Variants in RASA3 observed in about 807,000 individuals in gnomAD.
The protein encoded by RASA3 is ras GTPase-activating protein 3.
RASA3 carries 73 observed loss-of-function variants against 110.0 expected under a neutral mutation model. The ratio of observed to expected loss-of-function variants is 0.66; its 90% CI spans 0.55 to 0.81. The LOEUF is 0.81. Among genes scored for constraint, RASA3 ranks in the 30% least tolerant of loss-of-function variants. The pLI is 0.00. For missense variants in RASA3, 976 were observed against 1,113.2 expected (o/e 0.88, Z 1.75); for synonymous variants, 500 against 451.4 (o/e 1.11, Z -1.37).
rs114392193 is a variant in RASA3, at chr13:113,991,795, C to T, written c.2245+690G>A. 8.0e-3 allele frequency among the ~76,000 whole-genome samples: 1,220 copies of T among 152,360 alleles called. 10 individuals carry two copies. Among genetic ancestry groups the T allele is most frequent in the African/African-American group, 0.028 (1,170 of 41,590 alleles). On this transcript the variant is annotated intron_variant, in intron 22 of 23. Transcript: ENST00000334062. ...GTGTACCCACATATATGCATGCTGA[C>T]ACATGTGCCCAAAGACATACATGCA...
rs1370431440 is a variant in RASA3, at chr13:114,056,782, C to T, written c.174-4627G>A. The T allele has an allele frequency of 3.1e-6, 2 of 653,070 alleles. No homozygotes were observed. Among genetic ancestry groups the T allele is most frequent in the Non-Finnish European group, 3.8e-6 (2 of 526,066 alleles). The allele number at this position is 653,070 out of a possible 1,614,324, so 40.5% of individuals were successfully genotyped here. A position where few individuals can be genotyped will look rare whatever the true frequency, so the allele number is the denominator to read the frequency against. ...ACATACGAACTCCATAAAATTATCACCACAGACTGGACGTGCCCCTTTCTA... is the reference window on the plus strand; with the variant it reads ...ACATACGAACTCCATAAAATTATCATCACAGACTGGACGTGCCCCTTTCTA... On this transcript the variant is annotated intron_variant, in intron 2 of 23. Transcript: ENST00000334062. The surrounding 1 kb of genome is among the most constrained non-coding windows in gnomAD (Gnocchi z 5.7).
intron 1 of RASA3, among the ~76,000 whole-genome samples, chr13:114,087,888 G>C (rs146390162): frequency 2.4e-4 from 37 of 152,372 alleles, no homozygotes; most frequent in Non-Finnish European, 4.3e-4. Flanking sequence ...CCAGAATTTT[G>C]AGAGGCTGAG....
chr13:113,995,931 ATGGGGGGGCC>A (rs2053240484), intron 21 of RASA3, among the ~76,000 whole-genome samples: 1 of 21,722 alleles, frequency 4.6e-5, no homozygotes, highest in African/African-American at 3.7e-4. Context: ...GGCCCGGCTA[ATGGGGGGGCC>A]CGGCTAATGG....
At chr13:114,040,478 C>T (rs1265645390) in intron 4 of RASA3, among the ~76,000 whole-genome samples, 1 of 121,474 alleles carries the variant, frequency 8.2e-6, no homozygotes, top group Non-Finnish European at 1.7e-5. Context: ...TGGCAGAGAC[C>T]GCGCTCACTC....
intron 3 of RASA3, among the ~76,000 whole-genome samples, chr13:114,050,472 C>T (rs1326837814): frequency 1.3e-5 from 2 of 152,252 alleles, no homozygotes; most frequent in Non-Finnish European, 1.5e-5. Flanking sequence ...ACAGCAGTTT[C>T]TAAGAATAAT....
At chr13:114,017,954 G>A (rs2139301604) in intron 11 of RASA3, 150 bp downstream of exon 11, 1 of 906,806 alleles carries the variant, frequency 1.1e-6, no homozygotes. Flanking sequence ...CATTAACTGG[G>A]TCTGTGAAAG....
rs374660905 is a variant in RASA3 at position 113,992,603 on chromosome 13, C to G, written c.2142-15G>C. The G allele has an allele frequency of 1.5e-5, 24 of 1,590,336 alleles. No individual in the cohort carries two copies. In the African/African-American group the frequency reaches 2.0e-4, roughly 13 times the overall value. On this transcript the variant is annotated splice_polypyrimidine_tract_variant and intron_variant, in intron 21 of 23. Coordinates refer to ENST00000334062, the MANE Select transcript of RASA3 (RefSeq NM_007368.4). ...CTGGGAGGCCGCTGTCCAGACACAG[C>G]AAGAACAGAAAGATAAAAACACTTA...
chr13:114,011,406 G>C lies in RASA3; in HGVS notation c.1513-158C>G, dbSNP rs568654324. On this transcript the variant is annotated intron_variant, in intron 15 of 23. Transcript: ENST00000334062. The surrounding 1 kb of genome is among the most constrained non-coding windows in gnomAD (Gnocchi z 4.8). ...GGTAGCGACGCAGATGGGACTGGAG[G>C]GGGTGGGCGTCCCACAGTCTCAGGA... 2.6e-5 allele frequency among the ~76,000 whole-genome samples: 4 copies of C among 152,168 alleles called. No individual in the cohort carries two copies. The highest frequency in any genetic ancestry group is 2.1e-4 in the South Asian group (1 of 4,832).
At chr13:114,003,647 G>A (rs1348545310) in intron 18 of RASA3, among the ~76,000 whole-genome samples, 3 of 148,202 alleles carry the variant, frequency 2.0e-5, no homozygotes, top group Admixed American at 6.7e-5. Context: ...CCACAGGCTC[G>A]TAATATATTC....
At chr13:114,015,435 C>T (rs988658843) in intron 13 of RASA3, 103 bp from the exon 14 acceptor site, 77 of 1,464,860 alleles carry the variant, frequency 5.3e-5, no homozygotes, top group Non-Finnish European at 6.8e-5. Flanking sequence ...GGGCTGAGGG[C>T]GGGCGCAGGG....
chr13:114,056,535 A>G lies in RASA3; in HGVS notation c.174-4380T>C, dbSNP rs191838833. 210 of 984,360 alleles carry G rather than the reference A, an allele frequency of 2.1e-4. 1 individual carries two copies. In the African/African-American group the frequency reaches 3.5e-3, roughly 16 times the overall value. The allele number at this position is 984,360 out of a possible 1,614,324, so 61.0% of individuals were successfully genotyped here. ...AGCGGGGTGTTCAGTTGCTCTGCCA[A>G]AGGCTCTGCACAAGTGGCTCCTCTC... On this transcript the variant is annotated intron_variant, in intron 2 of 23. Coordinates refer to ENST00000334062, the MANE Select transcript of RASA3 (RefSeq NM_007368.4). This position sits in a 1 kb window ranked among gnomAD's most constrained non-coding sequence, Gnocchi z 5.7.
intron 1 of RASA3, among the ~76,000 whole-genome samples, chr13:114,110,788 C>G (rs1266772038): frequency 6.6e-6 from 1 of 152,236 alleles, no homozygotes; most frequent in African/African-American, 2.4e-5. Context: ...AGCACCAGGA[C>G]ACACCCATCC....
At chr13:114,097,955 C>CAGCGAGAGAGTGGATACCCCT (rs2079967464) in intron 1 of RASA3, among the ~76,000 whole-genome samples, 1 of 152,210 alleles carries the variant, frequency 6.6e-6, no homozygotes, top group South Asian at 2.1e-4. Context: ...GGGAGACCAC[C>CAGCGAGAGAGTGGATACCCCT]AGCGAGAGAG....
intron 22 of RASA3, 43 bp downstream of exon 22, chr13:113,992,442 G>T: frequency 6.6e-7 from 1 of 1,526,274 alleles, no homozygotes; most frequent in Non-Finnish European, 9.1e-7. Flanking sequence ...GGCCTCGCCA[G>T]CCATCCCCTC....
At chr13:114,113,578 G>A (rs1293780441) in intron 1 of RASA3, among the ~76,000 whole-genome samples, 1 of 151,564 alleles carries the variant, frequency 6.6e-6, no homozygotes, top group African/African-American at 2.4e-5. Flanking sequence ...GGCGAGTGAT[G>A]TCCGTACAGC....
chr13:114,132,613 G>A lies in RASA3; in HGVS notation c.-124C>T, dbSNP rs1003456727. The A allele has an allele frequency of 1.4e-4, 107 of 761,606 alleles. No individual in the cohort carries two copies. In the African/African-American group the frequency reaches 1.9e-3, roughly 13 times the overall value. 47.2% of individuals were successfully genotyped at this position (761,606 alleles called of 1,614,324 possible). A position where few individuals can be genotyped will look rare whatever the true frequency, so the allele number is the denominator to read the frequency against. On this transcript the variant is annotated 5_prime_UTR_variant, in exon 1 of 24. Coordinates refer to ENST00000334062, the MANE Select transcript of RASA3 (RefSeq NM_007368.4). ...CGGCCGAGGGTCCGCCCGCCTGCAA[G>A]ACCGCCAGTTGGCCGAGGGCGAGGG...
At chr13:114,098,366 T>G (rs1320471) in intron 1 of RASA3, among the ~76,000 whole-genome samples, 5 of 152,122 alleles carry the variant, frequency 3.3e-5, no homozygotes, top group Non-Finnish European at 5.9e-5. Flanking sequence ...TCCCAGGGTC[T>G]GCGTGCCCAG....
chr13:114,074,542 A>C (rs928242782), intron 1 of RASA3, among the ~76,000 whole-genome samples: 1 of 151,978 alleles, frequency 6.6e-6, no homozygotes, highest in Non-Finnish European at 1.5e-5. Context: ...TTTTATTTTG[A>C]ATTTTATTTT....
chr13:114,062,464 G>C (rs1475230209), intron 2 of RASA3, among the ~76,000 whole-genome samples: 4 of 152,134 alleles, frequency 2.6e-5, no homozygotes, highest in Non-Finnish European at 5.9e-5. Context: ...CGGAAAACAG[G>C]CTGGCGGTTC....
Sources: gnomAD v4.1 joint callset for allele counts (sites outside exome capture counted in the v4.1 genomes callset) on GRCh38, gnomAD v4.1.1 for gene constraint, Gnocchi (gnomAD v3.1) non-coding constraint, MANE v1.5 for transcripts, NCBI Gene and HGNC (gene_info 2026-07-23, HGNC 2026-07-21) for gene names.